Variants in EIF1AY observed in about 807,000 individuals in gnomAD.
The protein encoded by EIF1AY is eukaryotic translation initiation factor 1A, Y-chromosomal.
For missense variants in EIF1AY, 19 were observed against 30.6 expected (o/e 0.62, Z 0.89); for synonymous variants, 16 against 9.9 (o/e 1.62, Z -1.16).
Position 20,592,634 on chromosome Y carries a change from C to T in EIF1AY, c.*288C>T, listed in dbSNP as rs2089359784. ...ACGAGTGCCTTTCCTACTGTGATAA[C>T]GTCAAGTAATTGGATATTTTGAATA... is the stretch of plus-strand genomic sequence containing the variant. On this transcript the variant is annotated 3_prime_UTR_variant, in exon 7 of 7. Transcript: ENST00000361365. 1 of 50,573 alleles carries T rather than the reference C, an allele frequency of 2.0e-5. No homozygotes were observed. Among genetic ancestry groups the T allele is most frequent in the African/African-American group, 1.1e-4 (1 of 9,179 alleles). The allele number at this position is 50,573 out of a possible 400,897, so 12.6% of individuals were successfully genotyped here. A position where few individuals can be genotyped will look rare whatever the true frequency, so the allele number is the denominator to read the frequency against.
chrY:20,581,354 C>T, intron 2 of EIF1AY, among the ~76,000 whole-genome samples: 2 of 31,898 alleles, frequency 6.3e-5, no homozygotes, highest in East Asian at 8.1e-4. Flanking sequence ...TTTTTTGAGG[C>T]GGAGTCTGGC....
chrY:20,591,249 A>G (rs2124358060), intron 6 of EIF1AY, among the ~76,000 whole-genome samples: 1 of 32,953 alleles, frequency 3.0e-5, no homozygotes, highest in Non-Finnish European at 7.4e-5. Flanking sequence ...CACCCATGAC[A>G]CAGCCTCGGG....
chrY:20,591,425 T>C, intron 6 of EIF1AY, among the ~76,000 whole-genome samples: 2 of 33,598 alleles, frequency 6.0e-5, no homozygotes, highest in Non-Finnish European at 1.5e-4. Flanking sequence ...GCTATGCATC[T>C]AACTCAATGA....
intron 3 of EIF1AY, 94 bp downstream of exon 3, chrY:20,582,787 C>T (rs2089351840): frequency 1.4e-5 from 2 of 141,031 alleles, no homozygotes; most frequent in African/African-American, 1.9e-4. Context: ...TGTGAGTTCC[C>T]AAAATAATTT....
chrY:20,579,700 T>C lies in EIF1AY; in HGVS notation c.100+9T>C. Reference sequence around the variant, plus strand: ...TAAAGAGGATGGACAAGGTAAGACTTTTCAACTTAGGCTTCTTTCATTAAT... The same window carrying C: ...TAAAGAGGATGGACAAGGTAAGACTCTTCAACTTAGGCTTCTTTCATTAAT... On this transcript the variant is annotated intron_variant, in intron 2 of 6. Transcript: ENST00000361365. The C allele has an allele frequency of 3.1e-6, 1 of 320,294 alleles. No individual in the cohort carries two copies. Among genetic ancestry groups the C allele is most frequent in the Non-Finnish European group, 4.4e-6 (1 of 226,056 alleles). The allele number at this position is 320,294 out of a possible 400,897, so 79.9% of individuals were successfully genotyped here.
intron 1 of EIF1AY, among the ~76,000 whole-genome samples, chrY:20,576,228 T>C (rs763868999): frequency 1.2e-4 from 4 of 33,894 alleles, no homozygotes; most frequent in Admixed American, 1.1e-3. Context: ...GAAGCGGTTC[T>C]TAACTTTGAA....
At chrY:20,581,017 A>T (rs1603578936) in intron 2 of EIF1AY, among the ~76,000 whole-genome samples, 1 of 33,868 alleles carries the variant, frequency 3.0e-5, no homozygotes, top group Non-Finnish European at 7.4e-5. Context: ...TTATTGTTTA[A>T]TAATTTATAA....
At chrY:20,578,265 T>C (rs1262803306) in intron 1 of EIF1AY, among the ~76,000 whole-genome samples, 1 of 33,225 alleles carries the variant, frequency 3.0e-5, no homozygotes, top group Admixed American at 2.8e-4. Context: ...TCTACAAAAA[T>C]CTTAGAAACC....
In EIF1AY at chrY:20,592,647, G is replaced by A. The variant is rs2089359832; in HGVS notation, c.*301G>A. 2.1e-5 allele frequency: 1 copy of A among 46,718 alleles called. No individual in the cohort carries two copies. The highest frequency in any genetic ancestry group is 4.5e-5 in the Non-Finnish European group (1 of 22,176). The allele number at this position is 46,718 out of a possible 400,897, so 11.7% of individuals were successfully genotyped here. ...CTACTGTGATAACGTCAAGTAATTG[G>A]ATATTTTGAATACATTTCTGCCTGA... On this transcript the variant is annotated 3_prime_UTR_variant, in exon 7 of 7. Coordinates refer to ENST00000361365, the MANE Select transcript of EIF1AY (RefSeq NM_004681.4).
intron 2 of EIF1AY, among the ~76,000 whole-genome samples, chrY:20,581,987 G>A: frequency 5.9e-5 from 2 of 33,659 alleles, no homozygotes; most frequent in Non-Finnish European, 1.5e-4. Flanking sequence ...AAATATAAAC[G>A]TGTTAAAGCA....
intron 2 of EIF1AY, among the ~76,000 whole-genome samples, chrY:20,580,473 C>CA (rs778317159): frequency 4.1e-4 from 12 of 29,045 alleles, no homozygotes; most frequent in South Asian, 1.5e-3. Context: ...GACTAACATA[C>CA]AAAAAAAAAA....
At chrY:20,583,395 C>A (rs952665128) in intron 3 of EIF1AY, among the ~76,000 whole-genome samples, 2 of 31,744 alleles carry the variant, frequency 6.3e-5, no homozygotes, top group African/African-American at 1.2e-4. Context: ...AAAAAAAAAT[C>A]TTTCTGGTAT....
At chrY:20,579,128 G>A in intron 1 of EIF1AY, among the ~76,000 whole-genome samples, 1 of 33,763 alleles carries the variant, frequency 3.0e-5, no homozygotes, top group Non-Finnish European at 7.4e-5. Context: ...CCATTAAAAT[G>A]TTGGTCCAGA....
chrY:20,577,038 C>T, intron 1 of EIF1AY, among the ~76,000 whole-genome samples: 1 of 34,114 alleles, frequency 2.9e-5, no homozygotes, highest in Non-Finnish European at 7.3e-5. Flanking sequence ...AACATTTTCT[C>T]AGATGGTACT....
intron 1 of EIF1AY, among the ~76,000 whole-genome samples, chrY:20,577,729 G>C: frequency 3.7e-5 from 1 of 27,314 alleles, no homozygotes; most frequent in Non-Finnish European, 8.4e-5. Context: ...GTGAACCCGG[G>C]AGGCGGAGCT....
At chrY:20,579,935 G>A in intron 2 of EIF1AY, among the ~76,000 whole-genome samples, 1 of 32,286 alleles carries the variant, frequency 3.1e-5, no homozygotes, top group Admixed American at 2.9e-4. Context: ...GTAAATATAC[G>A]TTCAGTATTT....
At chrY:20,590,819 T>G in intron 6 of EIF1AY, among the ~76,000 whole-genome samples, 2 of 32,972 alleles carry the variant, frequency 6.1e-5, no homozygotes, top group Non-Finnish European at 1.5e-4. Context: ...TTAAATTTAT[T>G]TGTAAACATT....
At chrY:20,587,433 T>C (rs2089355288) in intron 4 of EIF1AY, 2 of 32,421 alleles carry the variant, frequency 6.2e-5, no homozygotes, top group African/African-American at 1.2e-4. Flanking sequence ...GGACTACAGA[T>C]GCCTGCCACC....
chrY:20,592,887 C>T lies in EIF1AY; in HGVS notation c.*541C>T. ...TGATAGTTTATAAATCCTTTTCATC[C>T]TTTGTGCCTCGGTTATTAAGGAAAA... On this transcript the variant is annotated 3_prime_UTR_variant, in exon 7 of 7. Transcript: ENST00000361365. The T allele has an allele frequency of 3.0e-5, 1 of 33,258 alleles. No homozygotes were observed. Among genetic ancestry groups the T allele is most frequent in the Non-Finnish European group, 7.4e-5 (1 of 13,527 alleles). The allele number at this position is 33,258 out of a possible 400,897, so 8.3% of individuals were successfully genotyped here.
Sources: allele counts gnomAD v4.1 joint callset (sites outside exome capture counted in the v4.1 genomes callset), GRCh38; gene constraint gnomAD v4.1.1; transcripts MANE v1.5; gene names NCBI Gene and HGNC (gene_info 2026-07-23, HGNC 2026-07-21).